SPATA4: variants seen among roughly 807,000 people sequenced by gnomAD.
The protein encoded by SPATA4 is spermatogenesis associated 4, also known as spermatogenesis-associated protein 4.
A neutral mutation model predicts 31.8 loss-of-function variants in SPATA4; 35 were observed. The ratio of observed to expected loss-of-function variants is 1.10; its 90% CI spans 0.84 to 1.46. The LOEUF is 1.46. Ranked by LOEUF, SPATA4 falls within the 40% of genes most tolerant of loss-of-function variation. The pLI, the probability that SPATA4 is intolerant of heterozygous loss-of-function variation, is 0.00. For missense variants in SPATA4, 394 were observed against 363.1 expected (o/e 1.09, Z -0.69); for synonymous variants, 126 against 132.4 (o/e 0.95, Z 0.33).
Position 176,192,760 on chromosome 4 carries a change from C to T in SPATA4, c.555G>A (p.Ser185=), listed in dbSNP as rs1294180976. 5.6e-6 allele frequency: 9 copies of T among 1,614,044 alleles called. No individual in the cohort carries two copies. Among genetic ancestry groups the T allele is most frequent in the Admixed American group, 1.7e-5 (1 of 60,020 alleles). The change falls in exon 4 of 6, where the codon TCG becomes TCA. Residue 185 remains serine, a synonymous_variant. Transcript: ENST00000280191. ...RLPLVSRSTV[S]KSIKDNIRLS... is the part of the protein sequence containing the mutation. ...ACCTAATGTTATCTTTAATAGACTT[C>T]GAAACTGTAGACCTGGAAACCAGGG...
At chr4:176,195,310 C>T (rs1467229214) in intron 1 of SPATA4, 35 bp downstream of exon 1, 6 of 1,605,938 alleles carry the variant, frequency 3.7e-6, no homozygotes, top group Non-Finnish European at 3.4e-6. Context: ...GCGGGGCGCC[C>T]ACCGGGGGGG....
rs772486353 is a variant in SPATA4 at position 176,184,790 on chromosome 4, T to C, written c.908A>G (p.Lys303Arg). Residue 303 changes from lysine (K) to arginine (R), a missense_variant, in exon 6 of 6, where the codon AAG (lysine) becomes AGG (arginine). Lys to Arg is a conservative substitution (Grantham distance 26, BLOSUM62 2). Coordinates refer to ENST00000280191, the MANE Select transcript of SPATA4 (RefSeq NM_144644.4). ...SAMKPIRNMDKKP is the reference protein window; with the variant it reads ...SAMKPIRNMDRKP ...TTTGACAGGTGCTTTTCAAGGTTTC[T>C]TGTCCATGTTTCTGATAGGTTTCAT... The C allele has an allele frequency of 6.3e-6, 10 of 1,589,598 alleles. No individual in the cohort carries two copies. Among genetic ancestry groups the C allele is most frequent in the East Asian group, 2.3e-5 (1 of 43,440 alleles).
At chr4:176,193,707 C>T (rs890143602) in intron 1 of SPATA4, 125 bp from the exon 2 acceptor site, 1 of 1,049,764 alleles carries the variant, frequency 9.5e-7, no homozygotes, top group Non-Finnish European at 1.3e-6. Context: ...GTTGTTGGAT[C>T]GTTGCTCTAA....
rs6857056 is a variant in SPATA4 at position 176,192,613 on chromosome 4, A to C, written c.688+14T>G. On this transcript the variant is annotated intron_variant, in intron 4 of 5. Transcript: ENST00000280191. Reference sequence around the variant, plus strand: ...GAGCTTGGAAGAACTCAGCTGTTTCAAAGGAAAACTTACCTGGATTCAATT... The same window carrying C: ...GAGCTTGGAAGAACTCAGCTGTTTCCAAGGAAAACTTACCTGGATTCAATT... The C allele has an allele frequency of 0.67, 1,071,997 of 1,608,020 alleles. 359,723 individuals carry two copies. The highest frequency in any genetic ancestry group is 0.88 in the East Asian group (39,361 of 44,826).
chr4:176,189,850 G>A (rs2126922880), intron 4 of SPATA4, among the ~76,000 whole-genome samples: 1 of 152,310 alleles, frequency 6.6e-6, no homozygotes, highest in East Asian at 1.9e-4. Context: ...CAGACACCAA[G>A]TTAAAGAAGG....
At chr4:176,193,164 T>C (rs1752560087) in intron 2 of SPATA4, 88 bp from the exon 3 acceptor site, 1 of 910,926 alleles carries the variant, frequency 1.1e-6, no homozygotes, top group Admixed American at 2.6e-5. Context: ...CTCCCTTTTA[T>C]TTACCTATGA....
chr4:176,186,649 G>A (rs1015657035), intron 5 of SPATA4, among the ~76,000 whole-genome samples: 4 of 152,194 alleles, frequency 2.6e-5, no homozygotes, highest in African/African-American at 9.7e-5. Flanking sequence ...GGGCTGGCCT[G>A]ATGTTTGGAC....
chr4:176,185,738 G>A (rs1353258637), intron 5 of SPATA4, among the ~76,000 whole-genome samples: 1 of 152,144 alleles, frequency 6.6e-6, no homozygotes, highest in Admixed American at 6.5e-5. Flanking sequence ...AATTACCAAA[G>A]CTGAATCCAC....
rs112969711 is a variant in SPATA4 at position 176,188,131 on chromosome 4, C to A, written c.793G>T (p.Val265Phe). ...AGTTAAAACTTACGTAAAACAGGGA[C>A]AACTCTTCCTCTTTTAACTTTTAAA... is the stretch of plus-strand genomic sequence containing the variant. ...YNLKVKRGRV[V>F]PVLPNIGSGG... Residue 265 changes from valine (V) to phenylalanine (F), a missense_variant, in exon 5 of 6, where the codon GTC (valine) becomes TTC (phenylalanine). Physicochemically the swap from Val to Phe is conservative, Grantham distance 50 (BLOSUM62 -1). Coordinates refer to ENST00000280191, the MANE Select transcript of SPATA4 (RefSeq NM_144644.4). The A allele has an allele frequency of 2.2e-5, 36 of 1,610,434 alleles. No homozygotes were observed. The African/African-American group carries it at 3.7e-4, about 17-fold the overall frequency.
chr4:176,194,698 A>G (rs1366273715), intron 1 of SPATA4: 2 of 151,782 alleles, frequency 1.3e-5, no homozygotes, highest in African/African-American at 4.8e-5. Flanking sequence ...ATCTCCGACA[A>G]AGGGTAAACT....
chr4:176,193,555 T>C lies in SPATA4; in HGVS notation c.246A>G (p.Ala82=), dbSNP rs1343591471. The change falls in exon 2 of 6, where the codon GCA becomes GCG. Residue 82 remains alanine, a synonymous_variant. Coordinates refer to ENST00000280191, the MANE Select transcript of SPATA4 (RefSeq NM_144644.4). ...AGGGGTAATATATACAGAATATTTCTGCAATTAGGAAGCCATTTGAAAAAT... is the reference window on the plus strand; with the variant it reads ...AGGGGTAATATATACAGAATATTTCCGCAATTAGGAAGCCATTTGAAAAAT... The part of the protein sequence containing the change: ...NRDFSNGFLI[A]EIFCIYYPWE... 3.7e-6 allele frequency: 6 copies of C among 1,610,078 alleles called. No homozygotes were observed. Among genetic ancestry groups the C allele is most frequent in the South Asian group, 3.3e-5 (3 of 89,960 alleles).
At chr4:176,188,060 A>T in intron 5 of SPATA4, 59 bp downstream of exon 5, 1 of 1,242,518 alleles carries the variant, frequency 8.0e-7, no homozygotes, top group Non-Finnish European at 1.2e-6. Context: ...TTAAAACTTT[A>T]ATTGAAGAAA....
intron 4 of SPATA4, 58 bp from the exon 5 acceptor site, chr4:176,188,293 A>G: frequency 9.5e-7 from 1 of 1,054,422 alleles, no homozygotes; most frequent in African/African-American, 1.6e-5. Context: ...CATTGTCAAA[A>G]TAAGATGCCA....
Position 176,193,590 on chromosome 4 carries a change from G to C in SPATA4, c.219-8C>G. 2 of 1,596,514 alleles carry C rather than the reference G, an allele frequency of 1.3e-6. No individual in the cohort carries two copies. Among genetic ancestry groups the C allele is most frequent in the Non-Finnish European group, 1.7e-6 (2 of 1,174,784 alleles). On this transcript the variant is annotated splice_polypyrimidine_tract_variant and splice_region_variant and intron_variant, in intron 1 of 5. Coordinates refer to ENST00000280191, the MANE Select transcript of SPATA4 (RefSeq NM_144644.4). ...AAGCCATTTGAAAAATCTCTGATCC[G>C]TGGCAATTAGGAAATGAAATAAAGT...
chr4:176,192,586 T>C lies in SPATA4; in HGVS notation c.688+41A>G, dbSNP rs988925751. 13 of 1,536,384 alleles carry C rather than the reference T, an allele frequency of 8.5e-6. No homozygotes were observed. The African/African-American group carries it at 1.6e-4, about 19-fold the overall frequency. On this transcript the variant is annotated intron_variant, in intron 4 of 5. Coordinates refer to ENST00000280191, the MANE Select transcript of SPATA4 (RefSeq NM_144644.4). ...TCATCTGTGCTCAAGAATAGCCTGATAGAGCTTGGAAGAACTCAGCTGTTT... is the reference window on the plus strand; with the variant it reads ...TCATCTGTGCTCAAGAATAGCCTGACAGAGCTTGGAAGAACTCAGCTGTTT...
intron 2 of SPATA4, among the ~76,000 whole-genome samples, 161 bp from the exon 3 acceptor site, chr4:176,193,237 G>A (rs1209047939): frequency 6.6e-6 from 1 of 152,170 alleles, no homozygotes; most frequent in Non-Finnish European, 1.5e-5. Flanking sequence ...AAACCAATCA[G>A]TATATATCAT....
At position 176,193,060 on chromosome 4, in the gene SPATA4, T is replaced by A. The variant is rs1193679002; in HGVS notation, c.365A>T (p.Lys122Ile). 1.3e-6 allele frequency: 2 copies of A among 1,589,194 alleles called. No individual in the cohort carries two copies. Among genetic ancestry groups the A allele is most frequent in the African/African-American group, 1.4e-5 (1 of 73,396 alleles). ...GATTAGTTCTTTAGGTAATTTAAAT[T>A]TTTTTCTTGCCAGGAACTTTAATAG... ...AQLEKFLARKKFKLPKELIHG... is the reference protein window; with the variant it reads ...AQLEKFLARKIFKLPKELIHG... Residue 122 changes from lysine to isoleucine, a missense_variant, in exon 3 of 6, where the codon AAA (lysine) becomes ATA (isoleucine). By Grantham distance (102) the Lys-to-Ile change is moderately radical. Coordinates refer to ENST00000280191, the MANE Select transcript of SPATA4 (RefSeq NM_144644.4).
In SPATA4 at chr4:176,184,730, T is replaced by C. The variant is rs768018067; in HGVS notation, c.*50A>G. ...ACTAGGTGATTCTGTTTCTTTATTATGGCTAGAGATGGTGGCATCACTTCT... is the reference window on the plus strand; with the variant it reads ...ACTAGGTGATTCTGTTTCTTTATTACGGCTAGAGATGGTGGCATCACTTCT... On this transcript the variant is annotated 3_prime_UTR_variant, in exon 6 of 6. Transcript: ENST00000280191. The C allele has an allele frequency of 4.8e-6, 5 of 1,050,400 alleles. No individual in the cohort carries two copies. The highest frequency in any genetic ancestry group is 6.9e-6 in the Non-Finnish European group (5 of 723,012). 65.1% of individuals were successfully genotyped at this position (1,050,400 alleles called of 1,614,324 possible). A position where few individuals can be genotyped will look rare whatever the true frequency, so the allele number is the denominator to read the frequency against.
chr4:176,185,793 T>C (rs1040775213), intron 5 of SPATA4, among the ~76,000 whole-genome samples: 2 of 152,202 alleles, frequency 1.3e-5, no homozygotes, highest in Admixed American at 6.5e-5. Flanking sequence ...AGAATCCAAG[T>C]ATATTATCTG....
Sources: gnomAD v4.1 joint callset for allele counts (sites outside exome capture counted in the v4.1 genomes callset) on GRCh38, gnomAD v4.1.1 for gene constraint, MANE v1.5 for transcripts, NCBI Gene and HGNC (gene_info 2026-07-23, HGNC 2026-07-21) for gene names.